The following ANGPT1 variants were observed in gnomAD, a reference collection of about 807,000 sequenced individuals.
ANGPT1 encodes the protein angiopoietin-1.
A neutral mutation model predicts 62.2 loss-of-function variants in ANGPT1; 17 were observed. The ratio of observed to expected loss-of-function variants is 0.27; its 90% CI spans 0.19 to 0.41. The LOEUF (loss-of-function observed/expected upper bound fraction) is 0.41, where lower values mean the gene tolerates loss of function less well. Ranked by LOEUF, ANGPT1 falls within the 10% of genes least tolerant of loss-of-function variation. The pLI is 1.00. For synonymous variants in ANGPT1, 199 were observed against 198.9 expected (o/e 1.00, Z 0.00); for missense variants, 478 against 594.9 (o/e 0.80, Z 2.04).
chr8:107,433,115 A>G (rs928276437), intron 1 of ANGPT1, among the ~76,000 whole-genome samples: 4 of 152,152 alleles, frequency 2.6e-5, no homozygotes, highest in African/African-American at 4.8e-5. Context: ...ACTTTCTTAA[A>G]TAGTAGTTGA....
chr8:107,456,161 A>G (rs1811912560), intron 1 of ANGPT1, among the ~76,000 whole-genome samples: 1 of 152,078 alleles, frequency 6.6e-6, no homozygotes, highest in Non-Finnish European at 1.5e-5. Context: ...TTGTGTTGTT[A>G]TGTTTAAGTC....
chr8:107,381,178 A>G (rs1313488075), intron 1 of ANGPT1, among the ~76,000 whole-genome samples: 1 of 152,126 alleles, frequency 6.6e-6, no homozygotes, highest in African/African-American at 2.4e-5. Context: ...GGCTGTGGTA[A>G]ATTTCAATGA....
chr8:107,347,223 A>G (rs1815826084), intron 1 of ANGPT1, 126 bp from the exon 2 acceptor site: 3 of 907,598 alleles, frequency 3.3e-6, no homozygotes, highest in Non-Finnish European at 1.6e-6. Context: ...GATCCTCTAC[A>G]TCTCTGGGAG....
intron 1 of ANGPT1, among the ~76,000 whole-genome samples, chr8:107,365,673 A>G (rs2163870): frequency 0.32 from 48,780 of 152,082 alleles, 8,204 homozygotes; most frequent in East Asian, 0.48. Flanking sequence ...ACAAAGAGAC[A>G]TTAAAATACT....
At chr8:107,256,267 C>G (rs188858184) in intron 8 of ANGPT1, among the ~76,000 whole-genome samples, 13 of 152,284 alleles carry the variant, frequency 8.5e-5, no homozygotes, top group African/African-American at 3.1e-4. Flanking sequence ...GAAGTAATTA[C>G]TTCTGTGTAG....
Position 107,257,948 on chromosome 8 carries a change from T to TC in ANGPT1, c.1337-5934_1337-5933insG, listed in dbSNP as rs754355953. On this transcript the variant is annotated intron_variant, in intron 8 of 8. Transcript: ENST00000517746. ...TCTTTCTCTCTCTCTCTCTCTCTCT[T>TC]TCTTTCTTTCCTTTCTTTCCTTTCT... Among the ~76,000 whole-genome samples the TC allele has an allele frequency of 4.6e-5, 5 of 109,796 alleles. No individual in the cohort carries two copies. The South Asian group carries it at 9.4e-4, about 21-fold the overall frequency. 72.0% of individuals were successfully genotyped at this position (109,796 alleles called of 152,430 possible).
intron 1 of ANGPT1, among the ~76,000 whole-genome samples, chr8:107,443,344 T>C (rs1811527886): frequency 6.6e-6 from 1 of 152,224 alleles, no homozygotes; most frequent in African/African-American, 2.4e-5. Flanking sequence ...CTCCTGGTTC[T>C]GTCTCTCAGT....
intron 1 of ANGPT1, among the ~76,000 whole-genome samples, chr8:107,372,267 G>T (rs1014519494): frequency 9.2e-5 from 14 of 151,980 alleles, no homozygotes; most frequent in African/African-American, 3.1e-4. Flanking sequence ...ATTGCCAAAT[G>T]TCCATTGGTG....
intron 7 of ANGPT1, among the ~76,000 whole-genome samples, chr8:107,279,717 T>G (rs1413369082): frequency 6.6e-6 from 1 of 151,010 alleles, no homozygotes; most frequent in East Asian, 2.0e-4. Context: ...TTTAAAAGCT[T>G]AGAACACACA....
In ANGPT1 at chr8:107,333,995, AG is replaced by A. The variant is rs1333264487; in HGVS notation, c.575+2154del. On this transcript the variant is annotated intron_variant, in intron 3 of 8. Coordinates refer to ENST00000517746, the MANE Select transcript of ANGPT1 (RefSeq NM_001146.5). ...AAAGGAGGGAGGGAGGGAGGGAGGG[AG>A]GGAAGGAAGGAAGGAAGGAAGGAAG... Among the ~76,000 whole-genome samples, 1,083 of 129,130 alleles carry A rather than the reference AG, an allele frequency of 8.4e-3. 13 individuals are homozygous for A. The highest frequency in any genetic ancestry group is 0.018 in the Middle Eastern group (5 of 272). 84.7% of individuals were successfully genotyped at this position (129,130 alleles called of 152,430 possible). A position where few individuals can be genotyped will look rare whatever the true frequency, so the allele number is the denominator to read the frequency against.
chr8:107,497,679 G>T lies in ANGPT1; in HGVS notation c.-121C>A. ...TTTGTTTGACTCTTTCCCCCTCAAA[G>T]AAAGCGTTTGAAGAAGAATCATAGA... is the stretch of plus-strand genomic sequence containing the variant. On this transcript the variant is annotated 5_prime_UTR_variant, in exon 1 of 9. Coordinates refer to ENST00000517746, the MANE Select transcript of ANGPT1 (RefSeq NM_001146.5). 1 of 1,082,356 alleles carries T rather than the reference G, an allele frequency of 9.2e-7. No individual in the cohort carries two copies. The highest frequency in any genetic ancestry group is 1.3e-6 in the Non-Finnish European group (1 of 783,332). 67.0% of individuals were successfully genotyped at this position (1,082,356 alleles called of 1,614,324 possible).
chr8:107,256,468 A>G (rs943902817), intron 8 of ANGPT1, among the ~76,000 whole-genome samples: 2 of 152,208 alleles, frequency 1.3e-5, no homozygotes, highest in East Asian at 3.9e-4. Flanking sequence ...AAAGTATAGC[A>G]GACTCCTCAT....
chr8:107,467,861 C>T, intron 1 of ANGPT1, among the ~76,000 whole-genome samples: 1 of 152,118 alleles, frequency 6.6e-6, no homozygotes, highest in East Asian at 1.9e-4. Flanking sequence ...TCTATGTGCT[C>T]AAGTGTGCTA....
chr8:107,279,732 TACACACACACGTGTACACACAC>T (rs1169173987), intron 7 of ANGPT1, among the ~76,000 whole-genome samples: 2 of 147,762 alleles, frequency 1.4e-5, no homozygotes, highest in East Asian at 4.0e-4. Context: ...CACACACACA[TACACACACACGTGTACACACAC>T]ACACACACTC....
At chr8:107,424,521 CCTT>C (rs1447737521) in intron 1 of ANGPT1, among the ~76,000 whole-genome samples, 1 of 152,086 alleles carries the variant, frequency 6.6e-6, no homozygotes, top group African/African-American at 2.4e-5. Flanking sequence ...CTGATATAAA[CCTT>C]CTTTGGTCAA....
intron 8 of ANGPT1, among the ~76,000 whole-genome samples, chr8:107,252,449 C>T (rs1813267507): frequency 6.6e-6 from 1 of 152,262 alleles, no homozygotes; most frequent in East Asian, 1.9e-4. Context: ...AATGCAGAAA[C>T]TTAGACAAGC....
intron 7 of ANGPT1, among the ~76,000 whole-genome samples, chr8:107,266,428 TAGAG>T (rs1813615874): frequency 6.6e-6 from 1 of 152,236 alleles, no homozygotes; most frequent in African/African-American, 2.4e-5. Flanking sequence ...ATGGTCTTCT[TAGAG>T]AGAATTTCAC....
chr8:107,408,889 G>A (rs550027357), intron 1 of ANGPT1, among the ~76,000 whole-genome samples: 28 of 152,154 alleles, frequency 1.8e-4, no homozygotes, highest in Non-Finnish European at 4.1e-4. Flanking sequence ...CACAGTGTCA[G>A]GTGAATGAGG....
At chr8:107,257,876 G>GTTTTTTTTTTTTTTTTTTTT (rs1371396961) in intron 8 of ANGPT1, among the ~76,000 whole-genome samples, 19 of 85,284 alleles carry the variant, frequency 2.2e-4, no homozygotes, top group Non-Finnish European at 3.2e-4. Context: ...ACTTGTTTTT[G>GTTTTTTTTTTTTTTTTTTTT]TTTCTTTTTT....
Sources: gnomAD v4.1 joint callset for allele counts (sites outside exome capture counted in the v4.1 genomes callset) on GRCh38, gnomAD v4.1.1 for gene constraint, MANE v1.5 for transcripts, NCBI Gene and HGNC (gene_info 2026-07-23, HGNC 2026-07-21) for gene names.